LRP1B: variants seen among roughly 807,000 people sequenced by gnomAD.
LRP1B encodes low-density lipoprotein receptor-related protein 1B.
A neutral mutation model predicts 556.6 loss-of-function variants in LRP1B; 217 were observed. The ratio of observed to expected loss-of-function variants is 0.39; its 90% CI spans 0.35 to 0.44. The LOEUF (loss-of-function observed/expected upper bound fraction) is 0.44, where lower values mean the gene tolerates loss of function less well. Ranked by LOEUF, LRP1B falls within the 20% of genes least tolerant of loss-of-function variation. The pLI, the probability that LRP1B is intolerant of heterozygous loss-of-function variation, is 1.00. For synonymous variants in LRP1B, 2,047 were observed against 1,865.8 expected (o/e 1.10, Z -2.50); for missense variants, 5,053 against 5,620.8 (o/e 0.90, Z 3.23).
chr2:142,005,858 C>A (rs559854410), intron 1 of LRP1B, among the ~76,000 whole-genome samples: 1 of 148,954 alleles, frequency 6.7e-6, no homozygotes, highest in South Asian at 2.1e-4. Flanking sequence ...GAGAAATGGT[C>A]TCCTCCTCTT....
At chr2:140,926,172 T>A (rs972570115) in intron 20 of LRP1B, among the ~76,000 whole-genome samples, 1 of 151,272 alleles carries the variant, frequency 6.6e-6, no homozygotes. Flanking sequence ...AACAAGAGTA[T>A]AGTCCGAAGA....
In LRP1B at chr2:140,232,969, A is replaced by C. The variant is rs982407486; in HGVS notation, c.*217T>G. ...TATCAGCAGCATTGTTGTAAATTGT[A>C]CTGTAGTGCAGTTCTTTTTCATAAA... On this transcript the variant is annotated 3_prime_UTR_variant, in exon 91 of 91. Transcript: ENST00000389484. 8.3e-6 allele frequency: 3 copies of C among 362,574 alleles called. No individual in the cohort carries two copies. The highest frequency in any genetic ancestry group is 1.5e-5 in the Non-Finnish European group (3 of 203,072). 22.5% of individuals were successfully genotyped at this position (362,574 alleles called of 1,614,324 possible).
At chr2:140,322,353 T>C (rs568640146) in intron 81 of LRP1B, among the ~76,000 whole-genome samples, 2 of 152,196 alleles carry the variant, frequency 1.3e-5, no homozygotes, top group Non-Finnish European at 2.9e-5. Context: ...TATACCTTGT[T>C]ACTTTTGCTT....
chr2:140,612,815 T>C (rs192868671), intron 41 of LRP1B, among the ~76,000 whole-genome samples: 1 of 152,222 alleles, frequency 6.6e-6, no homozygotes, highest in East Asian at 1.9e-4. Flanking sequence ...ATTCTCTTGA[T>C]ATTGGGGCAT....
At chr2:140,687,101 G>A (rs758891537) in intron 41 of LRP1B, among the ~76,000 whole-genome samples, 3 of 152,238 alleles carry the variant, frequency 2.0e-5, no homozygotes, top group Non-Finnish European at 4.4e-5. Flanking sequence ...GTTCAAGGAC[G>A]TTGGGTAGAG....
intron 1 of LRP1B, among the ~76,000 whole-genome samples, chr2:141,919,092 C>G (rs1700112274): frequency 6.6e-6 from 1 of 151,956 alleles, no homozygotes; most frequent in South Asian, 2.1e-4. Context: ...AATAAATGCC[C>G]TCTGTGAATA....
chr2:140,747,885 A>G (rs1352511924), intron 35 of LRP1B, among the ~76,000 whole-genome samples: 2 of 151,736 alleles, frequency 1.3e-5, no homozygotes, highest in Non-Finnish European at 2.9e-5. Flanking sequence ...ATTTTTCAGT[A>G]TCAGGGGTTA....
At chr2:140,617,546 T>A (rs1342299908) in intron 41 of LRP1B, among the ~76,000 whole-genome samples, 2 of 152,000 alleles carry the variant, frequency 1.3e-5, no homozygotes, top group Admixed American at 1.3e-4. Context: ...TCTTTTGTCT[T>A]TCTTGACTTC....
At chr2:140,856,440 T>C (rs1692619871) in intron 27 of LRP1B, among the ~76,000 whole-genome samples, 1 of 152,216 alleles carries the variant, frequency 6.6e-6, no homozygotes. Flanking sequence ...CATTTGTTCA[T>C]ATATTTTGTA....
Position 140,596,578 on chromosome 2 carries a change from CAT to C in LRP1B, c.7194+2051_7194+2052del, listed in dbSNP as rs1682450157. 2.6e-5 allele frequency among the ~76,000 whole-genome samples: 4 copies of C among 152,254 alleles called. No homozygotes were observed. In the South Asian group the frequency reaches 6.2e-4, roughly 24 times the overall value. ...TACTGTGCAAAGTGTTTATGGGTAA[CAT>C]ATTAAAGATATGTGAGGAAGAAGGA... On this transcript the variant is annotated intron_variant, in intron 43 of 90. Transcript: ENST00000389484.
chr2:140,400,923 G>T (rs1404027411), intron 66 of LRP1B, among the ~76,000 whole-genome samples: 1 of 152,164 alleles, frequency 6.6e-6, no homozygotes, highest in Non-Finnish European at 1.5e-5. Flanking sequence ...TTAGAGAGTG[G>T]TAAAAAAGAT....
chr2:141,073,208 A>G (rs1048610105), intron 7 of LRP1B, among the ~76,000 whole-genome samples: 1 of 152,072 alleles, frequency 6.6e-6, no homozygotes, highest in Non-Finnish European at 1.5e-5. Flanking sequence ...TGACACAATG[A>G]TACATCATCC....
chr2:141,838,832 T>C (rs1697375327), intron 1 of LRP1B, among the ~76,000 whole-genome samples: 1 of 152,156 alleles, frequency 6.6e-6, no homozygotes, highest in Admixed American at 6.5e-5. Context: ...TTATGAGATT[T>C]GGAATTCAGA....
chr2:141,908,374 G>A (rs1042711951), intron 1 of LRP1B, among the ~76,000 whole-genome samples: 1 of 151,946 alleles, frequency 6.6e-6, no homozygotes, highest in African/African-American at 2.4e-5. Flanking sequence ...TTACTAAGCA[G>A]CAGTCTCTGT....
chr2:141,584,977 C>CA (rs1260802752), intron 2 of LRP1B, among the ~76,000 whole-genome samples: 11 of 151,608 alleles, frequency 7.3e-5, no homozygotes, highest in Admixed American at 5.3e-4. Flanking sequence ...AGCTGACTCA[C>CA]AAAAAATGTG....
At chr2:141,972,891 G>C (rs1027090349) in intron 1 of LRP1B, among the ~76,000 whole-genome samples, 1 of 151,162 alleles carries the variant, frequency 6.6e-6, no homozygotes, top group Admixed American at 6.6e-5. Context: ...TTTTCTAAAG[G>C]GATTAATAGA....
chr2:140,465,266 C>T (rs1469191927), intron 60 of LRP1B, among the ~76,000 whole-genome samples: 1 of 152,094 alleles, frequency 6.6e-6, no homozygotes, highest in Admixed American at 6.5e-5. Flanking sequence ...TGCCCCATGA[C>T]CCACCACCTC....
intron 2 of LRP1B, among the ~76,000 whole-genome samples, chr2:141,693,998 C>T (rs1208688910): frequency 6.6e-6 from 1 of 151,988 alleles, no homozygotes; most frequent in Non-Finnish European, 1.5e-5. Context: ...AGTGCAAATA[C>T]CTGTCCAAAC....
At chr2:140,723,392 A>T (rs1008629945) in intron 35 of LRP1B, among the ~76,000 whole-genome samples, 11 of 152,204 alleles carry the variant, frequency 7.2e-5, no homozygotes, top group African/African-American at 2.7e-4. Flanking sequence ...AGCAAGTGCA[A>T]CATGGGCAAG....
Sources: allele counts gnomAD v4.1 joint callset (sites outside exome capture counted in the v4.1 genomes callset), GRCh38; gene constraint gnomAD v4.1.1; transcripts MANE v1.5; gene names NCBI Gene and HGNC (gene_info 2026-07-23, HGNC 2026-07-21).